PPEF1: variants seen among roughly 807,000 people sequenced by gnomAD.
PPEF1 encodes the protein serine/threonine-protein phosphatase with EF-hands 1.
A neutral mutation model predicts 53.3 loss-of-function variants in PPEF1; 12 were observed. That is an observed-to-expected ratio of 0.23 (90% CI 0.14 to 0.36). PPEF1 has a LOEUF of 0.36. Among genes scored for constraint, PPEF1 ranks in the 10% least tolerant of loss-of-function variants. The probability of loss-of-function intolerance (pLI) is 1.00; values close to 1 mark genes in which losing one functional copy is unlikely to be tolerated. For missense variants in PPEF1, 334 were observed against 490.4 expected, an observed-to-expected ratio of 0.68 and a Z score of 3.01; for synonymous variants, 165 against 176.7, an observed-to-expected ratio of 0.93 and a Z score of 0.52.
chrX:18,730,515 C>A (rs1357673425), intron 2 of PPEF1, among the ~76,000 whole-genome samples: 1 of 111,122 alleles, frequency 9.0e-6, no homozygotes, highest in Non-Finnish European at 1.9e-5. Context: ...TTGAAGTTCA[C>A]ATTTTTAAGA....
chrX:18,817,274 T>A (rs988635580), intron 12 of PPEF1, among the ~76,000 whole-genome samples: 1 of 111,352 alleles, frequency 9.0e-6, no homozygotes, highest in African/African-American at 3.3e-5. Context: ...TTTTAAAAAT[T>A]GTCCTCTTCT....
rs750463414 is a variant in PPEF1 at position 18,806,154 on chromosome X, C to T, written c.1252-249C>T. On this transcript the variant is annotated intron_variant, in intron 11 of 15. Coordinates refer to ENST00000470157, the MANE Select transcript of PPEF1 (RefSeq NM_001377996.1). ...TGAGATTTGGCACTAAAATTGTACC[C>T]GAGAATGCAGGGCCATGCGCTGAGG... Among the ~76,000 whole-genome samples, 13 of 111,142 alleles carry T rather than the reference C, an allele frequency of 1.2e-4. 1 individual carries two copies. Among genetic ancestry groups the T allele is most frequent in the Non-Finnish European group, 2.3e-4 (12 of 53,039 alleles).
At chrX:18,795,761 G>A (rs763319924) in intron 10 of PPEF1, among the ~76,000 whole-genome samples, 8 of 111,953 alleles carry the variant, frequency 7.1e-5, no homozygotes, top group East Asian at 2.8e-4. Context: ...ACCTGATGAC[G>A]TAGATAATAT....
At chrX:18,731,123 T>C (rs2044828864) in intron 2 of PPEF1, among the ~76,000 whole-genome samples, 1 of 112,601 alleles carries the variant, frequency 8.9e-6, no homozygotes, top group Admixed American at 9.4e-5. Context: ...ATATAGTTGC[T>C]AATGAAAAAA....
At chrX:18,681,334 C>T (rs1359630303), upstream of PPEF1, among the ~76,000 whole-genome samples, 5 of 112,056 alleles carry the variant, frequency 4.5e-5, no homozygotes, top group Admixed American at 9.5e-5. Context: ...CCCCACCATC[C>T]TCGACTGGAA....
intron 4 of PPEF1, among the ~76,000 whole-genome samples, chrX:18,695,507 C>T (rs946119583): frequency 1.8e-5 from 2 of 111,988 alleles, no homozygotes; most frequent in African/African-American, 6.5e-5. Context: ...GTCTGTCTGC[C>T]ACAGTCCTCA....
At chrX:18,677,802 G>A (rs1427712315) in intron 1 of PPEF1, among the ~76,000 whole-genome samples, 1 of 111,460 alleles carries the variant, frequency 9.0e-6, no homozygotes, top group Non-Finnish European at 1.9e-5. Flanking sequence ...AGGATGTTTT[G>A]CAGCATCCCT....
chrX:18,710,791 A>G (rs780414650), intron 1 of PPEF1, among the ~76,000 whole-genome samples: 5 of 111,572 alleles, frequency 4.5e-5, no homozygotes, highest in Non-Finnish European at 9.4e-5. Context: ...AGAACTAAAA[A>G]TAGAGCTACC....
intron 10 of PPEF1, among the ~76,000 whole-genome samples, chrX:18,792,332 T>A (rs924005976): frequency 8.9e-6 from 1 of 112,455 alleles, no homozygotes; most frequent in Non-Finnish European, 1.9e-5. Context: ...TTAAAATTAC[T>A]AATTTCAATA....
chrX:18,792,193 A>G (rs1023876492), intron 10 of PPEF1, among the ~76,000 whole-genome samples: 3 of 112,269 alleles, frequency 2.7e-5, no homozygotes, highest in Admixed American at 1.9e-4. Context: ...TCATAAGAGG[A>G]ATTGGAAAGT....
chrX:18,691,265 A>G (rs757927781), intron 4 of PPEF1, among the ~76,000 whole-genome samples: 1 of 112,166 alleles, frequency 8.9e-6, no homozygotes, highest in South Asian at 3.7e-4. Context: ...ATATATGTAT[A>G]GGGTGAAACT....
chrX:18,687,253 A>G (rs1929123387), intron 3 of PPEF1, among the ~76,000 whole-genome samples: 1 of 111,394 alleles, frequency 9.0e-6, no homozygotes, highest in African/African-American at 3.3e-5. Context: ...TTGCCCGAAC[A>G]CTGCCACCTA....
intron 11 of PPEF1, among the ~76,000 whole-genome samples, chrX:18,804,486 T>C (rs1477040897): frequency 9.1e-6 from 1 of 110,475 alleles, no homozygotes; most frequent in Non-Finnish European, 1.9e-5. Flanking sequence ...TTTGTATTTT[T>C]AGTAGAGACA....
At chrX:18,714,064 C>G (rs1324088086) in intron 1 of PPEF1, among the ~76,000 whole-genome samples, 1 of 110,833 alleles carries the variant, frequency 9.0e-6, no homozygotes, top group Non-Finnish European at 1.9e-5. Flanking sequence ...ATTATCGTGT[C>G]AAGGGCTATA....
chrX:18,782,413 C>CTT lies in PPEF1; in HGVS notation c.762+26_762+27dup, dbSNP rs11360277. On this transcript the variant is annotated intron_variant, in intron 8 of 15. Transcript: ENST00000470157. ...TTGCATAAATATAAGGTAAGACATG[C>CTT]TTTTTTTTTTTTTTTTAGTATTCAC... is the stretch of plus-strand genomic sequence containing the variant. 1.5e-4 allele frequency: 138 copies of CTT among 934,506 alleles called. No individual in the cohort carries two copies. Among genetic ancestry groups the CTT allele is most frequent in the Admixed American group, 5.0e-4 (13 of 25,912 alleles). The allele number at this position is 934,506 out of a possible 1,213,427, so 77.0% of individuals were successfully genotyped here. A position where few individuals can be genotyped will look rare whatever the true frequency, so the allele number is the denominator to read the frequency against.
intron 1 of PPEF1, among the ~76,000 whole-genome samples, chrX:18,676,526 A>T (rs1928682917): frequency 1.8e-5 from 2 of 110,614 alleles, no homozygotes; most frequent in Non-Finnish European, 3.8e-5. Context: ...CGAGCGCTTG[A>T]TGCCTAGATT....
At chrX:18,800,982 C>T (rs1366197336) in intron 10 of PPEF1, among the ~76,000 whole-genome samples, 2 of 112,014 alleles carry the variant, frequency 1.8e-5, no homozygotes, top group African/African-American at 6.5e-5. Flanking sequence ...TCCATCTTTC[C>T]TCCATCATTA....
chrX:18,731,918 C>T (rs892742447), intron 2 of PPEF1, among the ~76,000 whole-genome samples: 3 of 112,002 alleles, frequency 2.7e-5, no homozygotes, highest in Non-Finnish European at 5.6e-5. Flanking sequence ...GACAGAGTCT[C>T]GCTCTGTCGC....
At chrX:18,738,504 T>G (rs2045052029) in intron 3 of PPEF1, among the ~76,000 whole-genome samples, 1 of 112,363 alleles carries the variant, frequency 8.9e-6, no homozygotes, top group Non-Finnish European at 1.9e-5. Flanking sequence ...GCTGTTAGTC[T>G]GATAGGCTTC....
Sources: allele counts gnomAD v4.1 joint callset (sites outside exome capture counted in the v4.1 genomes callset), GRCh38; gene constraint gnomAD v4.1.1; transcripts MANE v1.5; gene names NCBI Gene and HGNC (gene_info 2026-07-23, HGNC 2026-07-21).